TSHZ2: variants seen among roughly 807,000 people sequenced by gnomAD.
TSHZ2 encodes the protein teashirt zinc finger homeobox 2, also known as teashirt homolog 2.
TSHZ2 carries 21 observed loss-of-function variants against 74.4 expected under a neutral mutation model. That is an observed-to-expected ratio of 0.28 (90% CI 0.20 to 0.41). The LOEUF is 0.41. Among genes scored for constraint, TSHZ2 ranks in the 10% least tolerant of loss-of-function variants. The pLI, the probability that TSHZ2 is intolerant of heterozygous loss-of-function variation, is 1.00. For missense variants in TSHZ2, 1,244 were observed against 1,293.5 expected, an observed-to-expected ratio of 0.96 and a Z score of 0.59; for synonymous variants, 540 against 515.3, an observed-to-expected ratio of 1.05 and a Z score of -0.65.
chr20:53,059,813 C>T (rs1387495845), intron 1 of TSHZ2, among the ~76,000 whole-genome samples: 1 of 152,178 alleles, frequency 6.6e-6, no homozygotes, highest in African/African-American at 2.4e-5. Flanking sequence ...TCTTCTTACT[C>T]AGGAAGATTT....
intron 2 of TSHZ2, among the ~76,000 whole-genome samples, chr20:53,293,292 G>A (rs1471031758): frequency 6.6e-6 from 1 of 152,046 alleles, no homozygotes; most frequent in Non-Finnish European, 1.5e-5. Flanking sequence ...GCAAAACCCT[G>A]TCCCTACTAA....
At chr20:53,004,146 C>T (rs1185877815) in intron 1 of TSHZ2, among the ~76,000 whole-genome samples, 1 of 152,118 alleles carries the variant, frequency 6.6e-6, no homozygotes, top group South Asian at 2.1e-4. Flanking sequence ...CACTCCCCCC[C>T]TCCAATTAAA....
chr20:53,470,707 A>C (rs1985772042), intron 2 of TSHZ2, among the ~76,000 whole-genome samples: 1 of 152,162 alleles, frequency 6.6e-6, no homozygotes, highest in African/African-American at 2.4e-5. Context: ...CCAGCCACTC[A>C]GAAGGCTAAG....
intron 2 of TSHZ2, among the ~76,000 whole-genome samples, chr20:53,292,933 A>T (rs1005343339): frequency 6.6e-6 from 1 of 152,192 alleles, no homozygotes; most frequent in African/African-American, 2.4e-5. Context: ...CATGCTTCTT[A>T]TATGTCCCCT....
intron 1 of TSHZ2, among the ~76,000 whole-genome samples, chr20:52,995,153 T>C (rs1383508877): frequency 2.0e-5 from 3 of 152,202 alleles, no homozygotes; most frequent in African/African-American, 7.2e-5. Flanking sequence ...TTTTCCAGCA[T>C]CTCAGTTCCT....
intron 1 of TSHZ2, among the ~76,000 whole-genome samples, chr20:52,999,666 TGGTTTGTGACTG>T (rs1982339727): frequency 6.6e-6 from 1 of 152,176 alleles, no homozygotes; most frequent in East Asian, 1.9e-4. Flanking sequence ...TATCAGCCAC[TGGTTTGTGACTG>T]GAATCATCAG....
chr20:53,326,229 C>G (rs945254264), intron 2 of TSHZ2, among the ~76,000 whole-genome samples: 1 of 152,198 alleles, frequency 6.6e-6, no homozygotes, highest in African/African-American at 2.4e-5. Context: ...ATTAGAGGAA[C>G]AATGACTTTT....
intron 2 of TSHZ2, among the ~76,000 whole-genome samples, chr20:53,292,995 C>G (rs1991309219): frequency 6.6e-6 from 1 of 152,162 alleles, no homozygotes; most frequent in Non-Finnish European, 1.5e-5. Context: ...GGTCCATTCA[C>G]AGTCAATAGT....
At chr20:53,276,715 C>G (rs959224449) in intron 2 of TSHZ2, among the ~76,000 whole-genome samples, 3 of 152,176 alleles carry the variant, frequency 2.0e-5, no homozygotes, top group Non-Finnish European at 4.4e-5. Context: ...CCCCGAGTGT[C>G]AGATTCAATA....
intron 2 of TSHZ2, among the ~76,000 whole-genome samples, chr20:53,377,205 T>C (rs1282392797): frequency 6.6e-6 from 1 of 152,216 alleles, no homozygotes; most frequent in Non-Finnish European, 1.5e-5. Context: ...AACCTTACAC[T>C]TGCTCTCTCT....
chr20:53,013,478 G>C (rs2123006954), intron 1 of TSHZ2, among the ~76,000 whole-genome samples: 1 of 152,316 alleles, frequency 6.6e-6, no homozygotes, highest in Non-Finnish European at 1.5e-5. Context: ...GAACAGGAAA[G>C]GGTCCTCAGC....
At chr20:52,979,054 G>A (rs1271245316) in intron 1 of TSHZ2, among the ~76,000 whole-genome samples, 1 of 152,134 alleles carries the variant, frequency 6.6e-6, no homozygotes, top group Non-Finnish European at 1.5e-5. Flanking sequence ...ATAGGAGGAA[G>A]TTAGTCATTC....
chr20:53,242,590 C>G (rs1478474277), intron 1 of TSHZ2, among the ~76,000 whole-genome samples: 1 of 152,156 alleles, frequency 6.6e-6, no homozygotes, highest in Non-Finnish European at 1.5e-5. Context: ...GAGTTCACAT[C>G]ACACTTGTAC....
At chr20:53,129,458 G>A (rs910483259) in intron 1 of TSHZ2, among the ~76,000 whole-genome samples, 1 of 151,946 alleles carries the variant, frequency 6.6e-6, no homozygotes, top group African/African-American at 2.4e-5. Context: ...GGAACAAAAG[G>A]CAACTTACAA....
At chr20:53,340,459 C>G (rs1488825101) in intron 2 of TSHZ2, among the ~76,000 whole-genome samples, 1 of 152,190 alleles carries the variant, frequency 6.6e-6, no homozygotes, top group Non-Finnish European at 1.5e-5. Context: ...GCTGGGATTA[C>G]AGGCGTGAGC....
intron 2 of TSHZ2, among the ~76,000 whole-genome samples, chr20:53,410,592 T>TTATTAG (rs1197873031): frequency 6.9e-6 from 1 of 144,676 alleles, no homozygotes; most frequent in Non-Finnish European, 1.5e-5. Context: ...CGTCACATTA[T>TTATTAG]TATTATTATT....
chr20:53,001,153 A>G (rs1472381293), intron 1 of TSHZ2, among the ~76,000 whole-genome samples: 2 of 151,488 alleles, frequency 1.3e-5, no homozygotes, highest in African/African-American at 4.9e-5. Context: ...TATGAACCCC[A>G]GAGAGACCCG....
chr20:53,478,422 A>G (rs963471391), intron 2 of TSHZ2, among the ~76,000 whole-genome samples: 3 of 150,890 alleles, frequency 2.0e-5, no homozygotes, highest in Non-Finnish European at 4.4e-5. Context: ...ACAAAAAACC[A>G]AACACTGCAT....
intron 2 of TSHZ2, among the ~76,000 whole-genome samples, chr20:53,393,571 T>C (rs749256646): frequency 3.9e-5 from 6 of 152,122 alleles, no homozygotes; most frequent in Admixed American, 6.5e-5. Flanking sequence ...GTTAATATCA[T>C]TATTCTGTTT....
Sources: allele counts gnomAD v4.1 joint callset (sites outside exome capture counted in the v4.1 genomes callset), GRCh38; gene constraint gnomAD v4.1.1; transcripts MANE v1.5; gene names NCBI Gene and HGNC (gene_info 2026-07-23, HGNC 2026-07-21).